The following KMT2C variants were observed in gnomAD, a reference collection of about 807,000 sequenced individuals.
KMT2C encodes the protein lysine methyltransferase 2C.
Under a neutral mutation model 507.9 loss-of-function variants are expected in KMT2C, and 88 were observed. That is an observed-to-expected ratio of 0.17 (90% CI 0.15 to 0.21). KMT2C has a LOEUF of 0.21. Among genes scored for constraint, KMT2C ranks in the 10% least tolerant of loss-of-function variants. The pLI is 1.00. For synonymous variants in KMT2C, 2,049 were observed against 2,080.8 expected (o/e 0.98, Z 0.42); for missense variants, 4,954 against 5,957.8 (o/e 0.83, Z 5.55).
At chr7:152,416,580 G>T (rs1407884397) in intron 1 of KMT2C, among the ~76,000 whole-genome samples, 1 of 150,624 alleles carries the variant, frequency 6.6e-6, no homozygotes, top group Non-Finnish European at 1.5e-5. Context: ...CAAAAAATTA[G>T]CCAGGCATGG....
chr7:152,350,986 A>T (rs1027052408), intron 2 of KMT2C, among the ~76,000 whole-genome samples: 5 of 152,058 alleles, frequency 3.3e-5, no homozygotes, highest in African/African-American at 1.2e-4. Context: ...TTTTAAACTT[A>T]GCCCAGGCCT....
intron 26 of KMT2C, among the ~76,000 whole-genome samples, chr7:152,201,617 G>GGAA (rs1491277955): frequency 0.028 from 645 of 22,898 alleles, 61 homozygotes; most frequent in African/African-American, 0.05. Context: ...CAACAAAGAT[G>GGAA]AAAAAAAAAA....
At chr7:152,333,805 T>C (rs1409561233) in intron 2 of KMT2C, among the ~76,000 whole-genome samples, 1 of 152,096 alleles carries the variant, frequency 6.6e-6, no homozygotes, top group African/African-American at 2.4e-5. Flanking sequence ...AAACAGATGG[T>C]TTTGGTTTTC....
chr7:152,194,319 TATAAA>T, intron 29 of KMT2C, 58 bp from the exon 30 acceptor site: 1 of 1,331,384 alleles, frequency 7.5e-7, no homozygotes, highest in Non-Finnish European at 1.0e-6. Flanking sequence ...AATATACTGA[TATAAA>T]ATAGTATTTA....
At chr7:152,367,478 A>G (rs918425791) in intron 1 of KMT2C, 7 of 841,766 alleles carry the variant, frequency 8.3e-6, no homozygotes, top group African/African-American at 1.7e-5. Context: ...TCGGCCTCCC[A>G]AAGTTCTGGG....
At chr7:152,196,104 A>G (rs1453936670) in intron 27 of KMT2C, 93 bp from the exon 28 acceptor site, 10 of 539,590 alleles carry the variant, frequency 1.9e-5, no homozygotes, top group Non-Finnish European at 3.1e-5. Context: ...ATACTGAGTG[A>G]GGCAAGTACT....
intron 25 of KMT2C, 25 bp downstream of exon 25, chr7:152,205,081 A>G: frequency 6.8e-7 from 1 of 1,473,810 alleles, no homozygotes; most frequent in East Asian, 2.5e-5. Flanking sequence ...TAAAAAAAAA[A>G]TTTTTTTTTA....
At chr7:152,225,032 G>A (rs1332496059) in intron 18 of KMT2C, among the ~76,000 whole-genome samples, 1 of 152,078 alleles carries the variant, frequency 6.6e-6, no homozygotes, top group Non-Finnish European at 1.5e-5. Flanking sequence ...AAAAATTAAT[G>A]TAAGGCATGA....
At chr7:152,429,801 G>C in intron 1 of KMT2C, among the ~76,000 whole-genome samples, 2 of 151,684 alleles carry the variant, frequency 1.3e-5, no homozygotes, top group Non-Finnish European at 2.9e-5. Flanking sequence ...TTACAGGTGT[G>C]AGCCACCGTG....
chr7:152,231,286 G>C (rs1411744587), intron 16 of KMT2C, among the ~76,000 whole-genome samples: 2 of 152,156 alleles, frequency 1.3e-5, no homozygotes, highest in Non-Finnish European at 2.9e-5. Flanking sequence ...AATTTCTAGA[G>C]TGATTATGAA....
intron 1 of KMT2C, among the ~76,000 whole-genome samples, chr7:152,409,109 A>ACC (rs1328238699): frequency 2.0e-5 from 3 of 151,792 alleles, no homozygotes; most frequent in African/African-American, 7.3e-5. Context: ...GCTCAACCTG[A>ACC]TCCTTCCACC....
chr7:152,271,474 C>T (rs1405313993), intron 7 of KMT2C, among the ~76,000 whole-genome samples: 3 of 151,832 alleles, frequency 2.0e-5, no homozygotes, highest in Admixed American at 6.6e-5. Flanking sequence ...GAGTTCGAGA[C>T]GAATCTAGCC....
intron 15 of KMT2C, among the ~76,000 whole-genome samples, chr7:152,236,331 CAAT>C (rs1179296345): frequency 2.0e-5 from 3 of 152,210 alleles, no homozygotes; most frequent in Non-Finnish European, 4.4e-5. Context: ...GCGGTGATTA[CAAT>C]AATAGCTAAC....
intron 6 of KMT2C, among the ~76,000 whole-genome samples, chr7:152,297,465 A>G (rs1269764866): frequency 6.6e-6 from 1 of 152,188 alleles, no homozygotes; most frequent in African/African-American, 2.4e-5. Flanking sequence ...GAATCCAGAA[A>G]AAGAACCATC....
rs2095053234 is a variant in KMT2C, at chr7:152,229,838, A to G, written c.2976+85T>C. 8 of 793,206 alleles carry G rather than the reference A, an allele frequency of 1.0e-5. No individual in the cohort carries two copies. The Admixed American group carries it at 1.3e-4, about 13-fold the overall frequency. 49.1% of individuals were successfully genotyped at this position (793,206 alleles called of 1,614,324 possible). The stretch of plus-strand genomic sequence containing the variant: ...ATATGTTTAATAATCATAATACTTA[A>G]TTGTGAGAACTGGGAGCTCATGTTA... On this transcript the variant is annotated intron_variant, in intron 18 of 58. Transcript: ENST00000262189.
chr7:152,255,653 G>A (rs1343637152), intron 9 of KMT2C, among the ~76,000 whole-genome samples: 1 of 152,136 alleles, frequency 6.6e-6, no homozygotes. Flanking sequence ...CAAAAACAGT[G>A]TCGTACTGGT....
At position 152,139,177 on chromosome 7, in the gene KMT2C, C is replaced by T; in HGVS notation, c.14534+9G>A. On this transcript the variant is annotated intron_variant, in intron 57 of 58. Transcript: ENST00000262189. ...AAAGCACTCCCCGTCAGGTTCCTCGCTGTCTCACCTTGCGGGCCCTCCTGT... is the reference window on the plus strand; with the variant it reads ...AAAGCACTCCCCGTCAGGTTCCTCGTTGTCTCACCTTGCGGGCCCTCCTGT... 1.2e-6 allele frequency: 2 copies of T among 1,613,812 alleles called. No individual in the cohort carries two copies. Among genetic ancestry groups the T allele is most frequent in the Non-Finnish European group, 1.7e-6 (2 of 1,179,734 alleles).
At chr7:152,151,924 G>C (rs897104132) in intron 49 of KMT2C, among the ~76,000 whole-genome samples, 2 of 152,164 alleles carry the variant, frequency 1.3e-5, no homozygotes, top group Admixed American at 1.3e-4. Context: ...GGTTAAGATG[G>C]TAAAAAAACA....
At chr7:152,236,879 T>C (rs1283956434) in intron 15 of KMT2C, among the ~76,000 whole-genome samples, 8 of 152,146 alleles carry the variant, frequency 5.3e-5, no homozygotes, top group Non-Finnish European at 7.3e-5. Context: ...TTGAGGATTA[T>C]AGGAAAGCTG....
Sources: allele counts gnomAD v4.1 joint callset (sites outside exome capture counted in the v4.1 genomes callset), GRCh38; gene constraint gnomAD v4.1.1; transcripts MANE v1.5; gene names NCBI Gene and HGNC (gene_info 2026-07-23, HGNC 2026-07-21).